The following TOGARAM1 variants were observed in gnomAD, a reference collection of about 807,000 sequenced individuals.
TOGARAM1 encodes TOG array regulator of axonemal microtubules 1, also known as TOG array regulator of axonemal microtubules protein 1.
Under a neutral mutation model 166.6 loss-of-function variants are expected in TOGARAM1, and 100 were observed. The observed-to-expected ratio is 0.60, with a 90% CI of 0.51 to 0.71. TOGARAM1 has a LOEUF of 0.71. TOGARAM1 is among the 30% of genes least tolerant of loss of function. The pLI, the probability that TOGARAM1 is intolerant of heterozygous loss-of-function variation, is 0.00. For synonymous variants in TOGARAM1, 758 were observed against 763.8 expected (o/e 0.99, Z 0.13); for missense variants, 2,029 against 2,102.7 (o/e 0.96, Z 0.69).
chr14:45,055,232 A>G (rs1453992039), intron 16 of TOGARAM1, among the ~76,000 whole-genome samples: 2 of 152,180 alleles, frequency 1.3e-5, no homozygotes, highest in Non-Finnish European at 2.9e-5. Flanking sequence ...TGATTTTTAT[A>G]TAAGGTGAGA....
intron 16 of TOGARAM1, 130 bp from the exon 17 acceptor site, chr14:45,066,443 ATGGGT>A: frequency 1.6e-5 from 11 of 668,936 alleles, no homozygotes; most frequent in Non-Finnish European, 2.6e-5. Flanking sequence ...TACTGTGGCT[ATGGGT>A]TAGCCACAGT....
In TOGARAM1 at chr14:44,964,376, C is replaced by A; in HGVS notation, c.1955C>A (p.Ala652Glu). The A allele has an allele frequency of 6.2e-7, 1 of 1,612,670 alleles. No homozygotes were observed. The highest frequency in any genetic ancestry group is 1.3e-5 in the African/African-American group (1 of 74,886). ...PTICTRRVLSAGKGKNKLPWE... is the reference protein window; with the variant it reads ...PTICTRRVLSEGKGKNKLPWE... ...ATCTGTACCCGAAGGGTATTAAGTG[C>A]AGGAAAAGGAAAAAATAAATTACCA... The change falls in exon 1 of 20, where the codon GCA (alanine) becomes GAA (glutamate). Residue 652 changes from alanine to glutamate, a missense_variant. Physicochemically the swap from Ala to Glu is moderately radical, Grantham distance 107. Transcript: ENST00000361462.
chr14:45,012,831 A>C (rs150537932), intron 7 of TOGARAM1, among the ~76,000 whole-genome samples: 1 of 152,162 alleles, frequency 6.6e-6, no homozygotes, highest in African/African-American at 2.4e-5. Context: ...TCTTGCTCTT[A>C]AATGTGTCTT....
At chr14:45,019,303 T>C (rs117344244) in intron 7 of TOGARAM1, among the ~76,000 whole-genome samples, 1,544 of 152,328 alleles carry the variant, frequency 0.01, 13 homozygotes, top group Middle Eastern at 0.024. Flanking sequence ...ATTACAAATC[T>C]TTCTGGTAAG....
chr14:45,024,976 T>C (rs1441927833), intron 7 of TOGARAM1, among the ~76,000 whole-genome samples: 1 of 152,200 alleles, frequency 6.6e-6, no homozygotes, highest in Non-Finnish European at 1.5e-5. Flanking sequence ...AACATATATT[T>C]ATGGAATACC....
At chr14:45,056,191 T>C (rs1882628443) in intron 16 of TOGARAM1, among the ~76,000 whole-genome samples, 1 of 152,196 alleles carries the variant, frequency 6.6e-6, no homozygotes. Context: ...CTTATTGGTA[T>C]ATAGAAATGC....
chr14:45,004,062 G>A lies in TOGARAM1; in HGVS notation c.2340G>A (p.Val780=), dbSNP rs17092470. The change falls in exon 4 of 20, where the codon GTG becomes GTA. Residue 780 remains valine (V), a splice_region_variant and synonymous_variant. Coordinates refer to ENST00000361462, the MANE Select transcript of TOGARAM1 (RefSeq NM_001308120.2). ...ATATTATCTTTTGTTTTATTACAGT[G>A]TATGCTAGCCTCAATTTTGGCAGTA... ...LGTTSSHQEK[V]YASLNFGSKT... 14,107 of 1,612,826 alleles carry A rather than the reference G, an allele frequency of 8.7e-3. 1,019 individuals carry two copies. The African/African-American group carries it at 0.16, about 19-fold the overall frequency.
intron 7 of TOGARAM1, among the ~76,000 whole-genome samples, chr14:45,014,981 G>C (rs1880031358): frequency 6.6e-6 from 1 of 151,962 alleles, no homozygotes; most frequent in Admixed American, 6.6e-5. Flanking sequence ...CTACCTTCCT[G>C]TTTTTATTCA....
At chr14:45,036,608 T>C (rs1229865088) in intron 11 of TOGARAM1, among the ~76,000 whole-genome samples, 1 of 152,208 alleles carries the variant, frequency 6.6e-6, no homozygotes, top group Admixed American at 6.5e-5. Flanking sequence ...ACTCAGTGGA[T>C]TCAAACCACA....
intron 11 of TOGARAM1, among the ~76,000 whole-genome samples, chr14:45,035,566 T>C (rs1335012964): frequency 6.6e-6 from 1 of 151,920 alleles, no homozygotes; most frequent in African/African-American, 2.4e-5. Context: ...ATCTAAGAAG[T>C]TCAGTGAACA....
Position 45,068,394 on chromosome 14 carries a change from A to G in TOGARAM1, c.4750-30A>G, listed in dbSNP as rs550673166. 2.4e-5 allele frequency: 35 copies of G among 1,464,858 alleles called. No individual in the cohort carries two copies. The South Asian group carries it at 4.1e-4, about 17-fold the overall frequency. The allele number at this position is 1,464,858 out of a possible 1,614,324, so 90.7% of individuals were successfully genotyped here. ...ATACAATAGCTATAAAAATCATTTT[A>G]CTTTAAATAATTTACCAATTTATTT... On this transcript the variant is annotated intron_variant, in intron 17 of 19. Coordinates refer to ENST00000361462, the MANE Select transcript of TOGARAM1 (RefSeq NM_001308120.2).
rs774045525 is a variant in TOGARAM1, at chr14:44,969,172, CTT to C, written c.2046+4717_2046+4718del. ...TTTCTTTCTTTCTTTTCTTTCTTTTCTTTTTTTTTTTTTGTGAGACAGCCCAG... is the reference window on the plus strand; with the variant it reads ...TTTCTTTCTTTCTTTTCTTTCTTTTCTTTTTTTTTTTGTGAGACAGCCCAG... On this transcript the variant is annotated intron_variant, in intron 1 of 19. Coordinates refer to ENST00000361462, the MANE Select transcript of TOGARAM1 (RefSeq NM_001308120.2). Among the ~76,000 whole-genome samples the C allele has an allele frequency of 2.2e-4, 23 of 105,254 alleles. No homozygotes were observed. In the East Asian group the frequency reaches 4.9e-3, roughly 22 times the overall value. The allele number at this position is 105,254 out of a possible 152,430, so 69.1% of individuals were successfully genotyped here.
chr14:45,003,884 T>C (rs116189259), intron 3 of TOGARAM1, among the ~76,000 whole-genome samples, 177 bp from the exon 4 acceptor site: 2,934 of 135,306 alleles, frequency 0.022, 33 homozygotes, highest in African/African-American at 0.048. Flanking sequence ...AGTTTTGAAT[T>C]AGAAGATACA....
intron 14 of TOGARAM1, among the ~76,000 whole-genome samples, chr14:45,049,057 C>CAAAAA (rs71108678): frequency 4.2e-5 from 2 of 47,320 alleles, no homozygotes; most frequent in Non-Finnish European, 6.8e-5. Context: ...ACAAACTTCT[C>CAAAAA]AAAAAAAAAA....
chr14:44,962,642 C>T lies in TOGARAM1; in HGVS notation c.221C>T (p.Pro74Leu). ...TSPLASALLM[P>L]SEAVSSSWSE... ...CCTCTGGCCTCGGCCCTCTTGATGCCCTCGGAGGCAGTCTCAAGCAGCTGG... is the reference window on the plus strand; with the variant it reads ...CCTCTGGCCTCGGCCCTCTTGATGCTCTCGGAGGCAGTCTCAAGCAGCTGG... The change falls in exon 1 of 20, where the codon CCC becomes CTC. Residue 74 changes from proline to leucine, a missense_variant. By Grantham distance (98) the Pro-to-Leu change is moderately conservative. This residue lies in a region of TOGARAM1 where 1,453 missense variants were observed against 1,432.2 expected (regional missense o/e 1.01). Coordinates refer to ENST00000361462, the MANE Select transcript of TOGARAM1 (RefSeq NM_001308120.2). 6.2e-7 allele frequency: 1 copy of T among 1,614,064 alleles called. No individual in the cohort carries two copies. The highest frequency in any genetic ancestry group is 1.3e-5 in the African/African-American group (1 of 75,044).
chr14:45,057,513 A>G (rs539646797), intron 16 of TOGARAM1, among the ~76,000 whole-genome samples: 2 of 152,056 alleles, frequency 1.3e-5, no homozygotes, highest in East Asian at 3.9e-4. Flanking sequence ...TGCAGCCTCA[A>G]ATTCTTGGGC....
rs1158745581 is a variant in TOGARAM1, at chr14:44,976,352, C to CT, written c.2046+11886dup. ...TCTGACCCCTTTTTCCAGATAACAT[C>CT]TAATCCTTTGTTGCCTTATCTGAAG... is the stretch of plus-strand genomic sequence containing the variant. On this transcript the variant is annotated intron_variant, in intron 1 of 19. Coordinates refer to ENST00000361462, the MANE Select transcript of TOGARAM1 (RefSeq NM_001308120.2). 2.0e-5 allele frequency among the ~76,000 whole-genome samples: 3 copies of CT among 152,180 alleles called. No homozygotes were observed. The East Asian group carries it at 5.8e-4, about 29-fold the overall frequency.
chr14:45,006,348 TC>T, intron 5 of TOGARAM1, 81 bp downstream of exon 5: 1 of 1,008,006 alleles, frequency 9.9e-7, no homozygotes, highest in East Asian at 2.6e-5. Context: ...AAAATCAAGT[TC>T]TTTTTATCCT....
At chr14:45,042,454 C>CACACAT (rs536552224) in intron 11 of TOGARAM1, 15 of 152,040 alleles carry the variant, frequency 9.9e-5, no homozygotes, top group African/African-American at 3.6e-4. Context: ...CACACACACA[C>CACACAT]ACACATACAC....
Sources: gnomAD v4.1 joint callset for allele counts (sites outside exome capture counted in the v4.1 genomes callset) on GRCh38, gnomAD v4.1.1 for gene constraint, gnomAD v4.1.1 regional missense constraint, MANE v1.5 for transcripts, NCBI Gene and HGNC (gene_info 2026-07-23, HGNC 2026-07-21) for gene names.